TFB2M: variants seen among roughly 807,000 people sequenced by gnomAD.
TFB2M encodes the protein transcription factor B2, mitochondrial.
A neutral mutation model predicts 41.3 loss-of-function variants in TFB2M; 44 were observed. The ratio of observed to expected loss-of-function variants is 1.07; its 90% CI spans 0.84 to 1.37. The LOEUF (loss-of-function observed/expected upper bound fraction) is 1.37, where lower values mean the gene tolerates loss of function less well. Ranked by LOEUF, TFB2M falls within the 40% of genes most tolerant of loss-of-function variation. The pLI is 0.00. For missense variants in TFB2M, 496 were observed against 490.2 expected (o/e 1.01, Z -0.11); for synonymous variants, 188 against 176.8 (o/e 1.06, Z -0.50).
chr1:246,544,961 A>T (rs530107437), intron 6 of TFB2M, among the ~76,000 whole-genome samples: 28 of 151,954 alleles, frequency 1.8e-4, no homozygotes, highest in African/African-American at 6.3e-4. Flanking sequence ...GCCCACCACC[A>T]CGCCTGGCTA....
In TFB2M at chr1:246,546,983, A is replaced by ACACT. The variant is rs764498048; in HGVS notation, c.858+1561_858+1562insAGTG. 3.8e-4 allele frequency among the ~76,000 whole-genome samples: 48 copies of ACACT among 127,148 alleles called. 7 individuals carry two copies. Among genetic ancestry groups the ACACT allele is most frequent in the Non-Finnish European group, 3.5e-4 (21 of 60,562 alleles). The allele number at this position is 127,148 out of a possible 152,430, so 83.4% of individuals were successfully genotyped here. A position where few individuals can be genotyped will look rare whatever the true frequency, so the allele number is the denominator to read the frequency against. On this transcript the variant is annotated intron_variant, in intron 6 of 7. Coordinates refer to ENST00000366514, the MANE Select transcript of TFB2M (RefSeq NM_022366.3). ...TGTATATATACACACACACACACAC[A>ACACT]TTTTTTTTTTTTTTTTTTGAGACAA...
At chr1:246,543,383 G>A in intron 7 of TFB2M, among the ~76,000 whole-genome samples, 1 of 151,960 alleles carries the variant, frequency 6.6e-6, no homozygotes, top group South Asian at 2.1e-4. Flanking sequence ...ATGGATTTAT[G>A]TACAAATTAC....
intron 7 of TFB2M, among the ~76,000 whole-genome samples, chr1:246,542,898 CT>C (rs35984926): frequency 0.3 from 33,418 of 111,752 alleles, 5,315 homozygotes; most frequent in East Asian, 0.62. Flanking sequence ...TCTATTACCA[CT>C]TTTTTTTTTT....
At chr1:246,545,392 G>A (rs1658987949) in intron 6 of TFB2M, among the ~76,000 whole-genome samples, 2 of 152,182 alleles carry the variant, frequency 1.3e-5, no homozygotes, top group South Asian at 2.1e-4. Context: ...GGGTGTGGTG[G>A]TGTGTGCCTG....
intron 2 of TFB2M, among the ~76,000 whole-genome samples, chr1:246,563,635 G>A (rs150496883): frequency 1.3e-5 from 2 of 151,674 alleles, no homozygotes; most frequent in South Asian, 2.1e-4. Flanking sequence ...GGATGATGAC[G>A]ATGTCAAACA....
intron 2 of TFB2M, among the ~76,000 whole-genome samples, chr1:246,561,693 T>C (rs1222073671): frequency 1.3e-5 from 2 of 152,352 alleles, no homozygotes; most frequent in African/African-American, 2.4e-5. Flanking sequence ...GGTCTTGAAC[T>C]CCTGACCTCA....
chr1:246,545,603 A>C (rs1237513761), intron 6 of TFB2M, among the ~76,000 whole-genome samples: 14 of 152,008 alleles, frequency 9.2e-5, no homozygotes, highest in Admixed American at 9.2e-4. Context: ...GCTTGAGCCC[A>C]GGAGTTCAAG....
intron 2 of TFB2M, 32 bp downstream of exon 2, chr1:246,564,314 C>A (rs1659532250): frequency 5.0e-6 from 8 of 1,591,082 alleles, no homozygotes; most frequent in Non-Finnish European, 6.9e-6. Flanking sequence ...GTTGAACAAA[C>A]AATAACATAC....
chr1:246,551,100 A>G (rs1659165563), intron 5 of TFB2M, 113 bp downstream of exon 5: 4 of 763,398 alleles, frequency 5.2e-6, no homozygotes, highest in Non-Finnish European at 9.0e-6. Context: ...ACTTGAGTCC[A>G]GTAGTTCAAG....
At chr1:246,549,531 G>C (rs750837928) in intron 5 of TFB2M, among the ~76,000 whole-genome samples, 6 of 152,224 alleles carry the variant, frequency 3.9e-5, no homozygotes, top group Non-Finnish European at 8.8e-5. Context: ...GCAGTGAGCC[G>C]GGATTGTGCT....
chr1:246,544,499 T>C (rs750932599), intron 7 of TFB2M, 22 bp downstream of exon 7: 1 of 1,570,748 alleles, frequency 6.4e-7, no homozygotes, highest in Non-Finnish European at 8.6e-7. Context: ...ACTTTATACT[T>C]GCTTTTATTC....
In TFB2M at chr1:246,541,116, T is replaced by A. The variant is rs1420670291; in HGVS notation, c.1106A>T (p.Asp369Val). 6.2e-7 allele frequency: 1 copy of A among 1,614,054 alleles called. No individual in the cohort carries two copies. The change falls in exon 8 of 8, where the codon GAC becomes GTC. Residue 369 changes from aspartate (D) to valine (V), a missense_variant. Coordinates refer to ENST00000366514, the MANE Select transcript of TFB2M (RefSeq NM_022366.3). ...TATAGTTTCAAAAAGTGTTTTGAAG[T>A]CTTGAGGGTGCATGTTAACTACTTT... ...DEKVVNMHPQ[D>V]FKTLFETIER...
intron 2 of TFB2M, among the ~76,000 whole-genome samples, 200 bp from the exon 3 acceptor site, chr1:246,557,734 G>A (rs372461479): frequency 9.9e-5 from 15 of 152,206 alleles, no homozygotes; most frequent in South Asian, 6.2e-4. Context: ...GTGCAGTGGC[G>A]CCATCTCGGC....
chr1:246,545,868 T>C (rs1030346609), intron 6 of TFB2M, among the ~76,000 whole-genome samples: 2 of 147,714 alleles, frequency 1.4e-5, no homozygotes, highest in African/African-American at 5.0e-5. Flanking sequence ...ACTTCTCAGC[T>C]GCAAAGCAAG....
chr1:246,550,489 TA>T (rs148471377), intron 5 of TFB2M, among the ~76,000 whole-genome samples: 7 of 150,502 alleles, frequency 4.7e-5, no homozygotes, highest in Admixed American at 1.3e-4. Flanking sequence ...TTCCTGAGCT[TA>T]AAAAAAAAAT....
chr1:246,544,692 G>T lies in TFB2M; in HGVS notation c.859-11C>A. 6.3e-7 allele frequency: 1 copy of T among 1,576,496 alleles called. No individual in the cohort carries two copies. Among genetic ancestry groups the T allele is most frequent in the Non-Finnish European group, 8.6e-7 (1 of 1,169,006 alleles). On this transcript the variant is annotated splice_polypyrimidine_tract_variant and intron_variant, in intron 6 of 7. Coordinates refer to ENST00000366514, the MANE Select transcript of TFB2M (RefSeq NM_022366.3). ...TTGGTCTAATAATTCCTGGAGAGAA[G>T]AAAAAATGAATTGCATTAGTCACAA...
Position 246,541,041 on chromosome 1 carries a change from T to C in TFB2M, c.1181A>G (p.Glu394Gly). ...ACGACAGTCTAGTTGCTACCTATCT[T>C]CCAGGGTTTCATCATACAGCCATTT... The part of the protein sequence containing the change: ...AYKWLYDETL[E>G]DR The change falls in exon 8 of 8, where the codon GAA becomes GGA. Residue 394 changes from glutamate (E) to glycine (G), a missense_variant. By Grantham distance (98) the Glu-to-Gly change is moderately conservative. Coordinates refer to ENST00000366514, the MANE Select transcript of TFB2M (RefSeq NM_022366.3). 1 of 1,611,032 alleles carries C rather than the reference T, an allele frequency of 6.2e-7. No individual in the cohort carries two copies. Among genetic ancestry groups the C allele is most frequent in the Non-Finnish European group, 8.5e-7 (1 of 1,178,492 alleles).
rs763859548 is a variant in TFB2M at position 246,565,848 on chromosome 1, G to T, written c.291C>A (p.His97Gln). 17 of 1,605,860 alleles carry T rather than the reference G, an allele frequency of 1.1e-5. No individual in the cohort carries two copies. In the Admixed American group the frequency reaches 2.3e-4, roughly 22 times the overall value. Residue 97 changes from histidine (H) to glutamine (Q), a missense_variant, in exon 1 of 8, where the codon CAC becomes CAA. Coordinates refer to ENST00000366514, the MANE Select transcript of TFB2M (RefSeq NM_022366.3). The stretch of plus-strand genomic sequence containing the variant: ...CACCTGGATTGCACTCCAGCAGTAG[G>T]TGTGGAGGTCTACTTGGTTTTCCCA... ...IYLGKPSRPP[H>Q]LLLECNPGPG...
chr1:246,548,019 T>A (rs1469810531), intron 6 of TFB2M, among the ~76,000 whole-genome samples: 1 of 150,856 alleles, frequency 6.6e-6, no homozygotes, highest in African/African-American at 2.4e-5. Context: ...CGATCTTGGC[T>A]CACTGCAACC....
Sources: gnomAD v4.1 joint callset for allele counts (sites outside exome capture counted in the v4.1 genomes callset) on GRCh38, gnomAD v4.1.1 for gene constraint, MANE v1.5 for transcripts, NCBI Gene and HGNC (gene_info 2026-07-23, HGNC 2026-07-21) for gene names.